Variants in KLF12 observed in about 807,000 individuals in gnomAD.
KLF12 encodes KLF transcription factor 12.
In KLF12, 9 loss-of-function variants were observed where a neutral mutation model predicts 37.8. That is an observed-to-expected ratio of 0.24 (90% confidence interval 0.14 to 0.42). The LOEUF (loss-of-function observed/expected upper bound fraction) is 0.42. Among genes scored for constraint, KLF12 ranks in the 10% least tolerant of loss-of-function variants. The pLI, the probability that KLF12 is intolerant of heterozygous loss-of-function variation, is 1.00. For missense variants in KLF12, 411 were observed against 516.0 expected (o/e 0.80, Z 1.97); for synonymous variants, 208 against 202.1 (o/e 1.03, Z -0.25).
At chr13:73,819,867 C>T (rs1472522118) in intron 4 of KLF12, among the ~76,000 whole-genome samples, 1 of 152,072 alleles carries the variant, frequency 6.6e-6, no homozygotes, top group Non-Finnish European at 1.5e-5. Context: ...GGGTGAGGGG[C>T]ATTCCAGGCA....
In KLF12 at chr13:73,947,488, A is replaced by C. The variant is rs538791560; in HGVS notation, c.34-3418T>G. ...CAACATAGTCAAACTCTGTCTCTAC[A>C]AAAAATACAAAAATTAGCCAGGCAT... is the stretch of plus-strand genomic sequence containing the variant. On this transcript the variant is annotated intron_variant, in intron 2 of 7. Coordinates refer to ENST00000377669, the MANE Select transcript of KLF12 (RefSeq NM_007249.5). Among the ~76,000 whole-genome samples, 17 of 151,906 alleles carry C rather than the reference A, an allele frequency of 1.1e-4. No homozygotes were observed. In the South Asian group the frequency reaches 3.5e-3, roughly 32 times the overall value.
chr13:74,210,815 T>C, the KLF12 span, among the ~76,000 whole-genome samples: 1 of 152,202 alleles, frequency 6.6e-6, no homozygotes, highest in Non-Finnish European at 1.5e-5. Context: ...TCAGATCCAG[T>C]GTTCTCTTGG....
chr13:73,921,840 G>C (rs1363971065), intron 3 of KLF12, among the ~76,000 whole-genome samples: 3 of 152,112 alleles, frequency 2.0e-5, no homozygotes, highest in Non-Finnish European at 4.4e-5. Flanking sequence ...ACAGTGCCCT[G>C]AGGATGGAGG....
intron 6 of KLF12, among the ~76,000 whole-genome samples, chr13:73,758,076 T>C (rs183267969): frequency 6.7e-4 from 101 of 150,672 alleles, no homozygotes; most frequent in African/African-American, 2.2e-3. Context: ...TTTCTTTTTT[T>C]TAGAGACAGG....
In KLF12 at chr13:73,732,702, T is replaced by C. The variant is rs754485431; in HGVS notation, c.870-17177A>G. 1.1e-3 allele frequency among the ~76,000 whole-genome samples: 161 copies of C among 152,230 alleles called. 1 individual carries two copies. Among genetic ancestry groups the C allele is most frequent in the Middle Eastern group, 3.4e-3 (1 of 294 alleles). ...CCTTGAGTGATCTTGCTCATTCCCA[T>C]GTTTCGCATGGTGTGTTTCATATAC... On this transcript the variant is annotated intron_variant, in intron 6 of 7. Coordinates refer to ENST00000377669, the MANE Select transcript of KLF12 (RefSeq NM_007249.5).
the KLF12 span, among the ~76,000 whole-genome samples, chr13:74,187,406 C>T: frequency 2.6e-5 from 4 of 152,022 alleles, no homozygotes; most frequent in Non-Finnish European, 5.9e-5. Flanking sequence ...TGTGTGGCCA[C>T]GGGCAAGTGT....
At chr13:74,159,776 T>C in the KLF12 span, among the ~76,000 whole-genome samples, 4 of 152,240 alleles carry the variant, frequency 2.6e-5, no homozygotes, top group South Asian at 6.2e-4. Flanking sequence ...CCCAGTATTT[T>C]GGGAAACTGA....
chr13:73,827,493 C>A (rs1883916161), intron 4 of KLF12, among the ~76,000 whole-genome samples: 1 of 152,166 alleles, frequency 6.6e-6, no homozygotes, highest in Non-Finnish European at 1.5e-5. Context: ...ATTGAGCATG[C>A]TGTAACTATC....
At chr13:73,819,926 GC>G (rs1883431054) in intron 4 of KLF12, among the ~76,000 whole-genome samples, 1 of 152,146 alleles carries the variant, frequency 6.6e-6, no homozygotes, top group Non-Finnish European at 1.5e-5. Flanking sequence ...TGTTTCATGT[GC>G]CTGAGGACCT....
chr13:73,851,226 A>G (rs1885317870), intron 3 of KLF12, among the ~76,000 whole-genome samples: 1 of 152,214 alleles, frequency 6.6e-6, no homozygotes, highest in East Asian at 1.9e-4. Flanking sequence ...TACTAAAACT[A>G]TCTCAGGAGG....
the KLF12 span, among the ~76,000 whole-genome samples, chr13:74,230,307 A>C: frequency 6.6e-6 from 1 of 152,210 alleles, no homozygotes; most frequent in Admixed American, 6.5e-5. Flanking sequence ...AGGCCTCCCC[A>C]GCCCTGCAGA....
intron 1 of KLF12, among the ~76,000 whole-genome samples, chr13:74,001,173 C>A (rs1181811635): frequency 6.6e-6 from 1 of 152,120 alleles, no homozygotes; most frequent in Non-Finnish European, 1.5e-5. Context: ...TCTCTTAATC[C>A]CATCTATCAG....
In KLF12 at chr13:74,036,972, G is replaced by A. The variant is rs565836191; in HGVS notation, c.-31-41919C>T. On this transcript the variant is annotated intron_variant, in intron 1 of 7. Coordinates refer to ENST00000377669, the MANE Select transcript of KLF12 (RefSeq NM_007249.5). ...TGTAATCCCAGCACTTTGGGAGGCC[G>A]AGGCAGGTGGATCACGAGGTCAGGA... 5.3e-5 allele frequency among the ~76,000 whole-genome samples: 8 copies of A among 152,198 alleles called. No individual in the cohort carries two copies. In the South Asian group the frequency reaches 6.2e-4, roughly 12 times the overall value.
intron 1 of KLF12, among the ~76,000 whole-genome samples, chr13:74,049,883 T>A (rs1474246493): frequency 6.6e-6 from 1 of 152,180 alleles, no homozygotes; most frequent in Non-Finnish European, 1.5e-5. Context: ...AGTACCCCAA[T>A]CCTCTGACAT....
At chr13:74,257,850 A>G in the KLF12 span, 1 of 151,482 alleles carries the variant, frequency 6.6e-6, no homozygotes, top group African/African-American at 2.4e-5. Flanking sequence ...TCCCTTTTTT[A>G]TTTTCATTTC....
At chr13:74,130,191 C>T (rs1422741104) in intron 1 of KLF12, among the ~76,000 whole-genome samples, 1 of 152,190 alleles carries the variant, frequency 6.6e-6, no homozygotes, top group East Asian at 1.9e-4. Flanking sequence ...CCCTTACATT[C>T]TGTACACAGT....
At chr13:73,959,366 G>T (rs556029108) in intron 2 of KLF12, among the ~76,000 whole-genome samples, 1 of 152,042 alleles carries the variant, frequency 6.6e-6, no homozygotes, top group East Asian at 1.9e-4. Flanking sequence ...GACATTTTGG[G>T]ACAGAGGGAA....
chr13:73,934,261 T>G (rs1889822068), intron 3 of KLF12, among the ~76,000 whole-genome samples: 1 of 152,130 alleles, frequency 6.6e-6, no homozygotes, highest in Non-Finnish European at 1.5e-5. Context: ...TTATCACAAG[T>G]TATCACTTAC....
chr13:74,151,675 T>TGAATA, the KLF12 span, among the ~76,000 whole-genome samples: 1 of 151,620 alleles, frequency 6.6e-6, no homozygotes. Context: ...AATAAATAAA[T>TGAATA]AAGAAGATTC....
Sources: allele counts gnomAD v4.1 joint callset (sites outside exome capture counted in the v4.1 genomes callset), GRCh38; gene constraint gnomAD v4.1.1; transcripts MANE v1.5; gene names NCBI Gene and HGNC (gene_info 2026-07-23, HGNC 2026-07-21).